FABP12: variants seen among roughly 807,000 people sequenced by gnomAD.
The protein encoded by FABP12 is fatty acid-binding protein 12.
FABP12 carries 19 observed loss-of-function variants against 13.7 expected under a neutral mutation model. The ratio of observed to expected loss-of-function variants is 1.39; its 90% CI spans 0.97 to 2.04. FABP12 has a LOEUF of 2.04. FABP12 is among the 30% of genes most tolerant of loss of function. The probability of loss-of-function intolerance (pLI) is 0.00; values close to 1 mark genes in which losing one functional copy is unlikely to be tolerated. For synonymous variants in FABP12, 61 were observed against 57.0 expected (o/e 1.07, Z -0.32); for missense variants, 182 against 164.2 (o/e 1.11, Z -0.59).
At chr8:81,561,366 CT>C (rs996463766) in intron 1 of FABP12, among the ~76,000 whole-genome samples, 25 of 152,126 alleles carry the variant, frequency 1.6e-4, no homozygotes, top group Admixed American at 1.6e-3. Context: ...ATTTTTTTCT[CT>C]TCTAGTACTG....
chr8:81,581,258 G>T (rs574968607), intron 1 of FABP12, among the ~76,000 whole-genome samples: 6 of 152,252 alleles, frequency 3.9e-5, no homozygotes, highest in African/African-American at 1.4e-4. Context: ...CAATCACAAG[G>T]CTTGAAAAGG....
chr8:81,585,881 G>T (rs1005269425), intron 1 of FABP12, among the ~76,000 whole-genome samples: 1 of 151,996 alleles, frequency 6.6e-6, no homozygotes, highest in Non-Finnish European at 1.5e-5. Context: ...GCACATGCAG[G>T]TTTGTTACGT....
chr8:81,574,807 G>C (rs1344268468), intron 1 of FABP12, among the ~76,000 whole-genome samples: 2 of 151,766 alleles, frequency 1.3e-5, no homozygotes, highest in Non-Finnish European at 2.9e-5. Flanking sequence ...CTACTGTTTT[G>C]TTTCTTAGTG....
intron 1 of FABP12, among the ~76,000 whole-genome samples, chr8:81,568,863 A>G (rs1809874962): frequency 6.6e-6 from 1 of 152,228 alleles, no homozygotes; most frequent in Non-Finnish European, 1.5e-5. Flanking sequence ...AGGCACAGAA[A>G]GACAAATTTT....
intron 1 of FABP12, among the ~76,000 whole-genome samples, chr8:81,547,292 A>C (rs1191567233): frequency 6.6e-6 from 1 of 152,254 alleles, no homozygotes; most frequent in Non-Finnish European, 1.5e-5. Context: ...AGACAAATGA[A>C]TGGACAATTC....
At chr8:81,562,704 A>G (rs1438623752) in intron 1 of FABP12, among the ~76,000 whole-genome samples, 1 of 152,162 alleles carries the variant, frequency 6.6e-6, no homozygotes, top group East Asian at 1.9e-4. Context: ...GGAAAGGGAA[A>G]GAGTGAGAAG....
At chr8:81,538,130 CTT>C (rs544692193), upstream of FABP12, among the ~76,000 whole-genome samples, 29 of 152,120 alleles carry the variant, frequency 1.9e-4, no homozygotes, top group Non-Finnish European at 3.8e-4. Context: ...GTGCCATGCT[CTT>C]TTAAACAACC....
At chr8:81,566,626 G>A (rs538693327) in intron 1 of FABP12, among the ~76,000 whole-genome samples, 154 of 150,874 alleles carry the variant, frequency 1.0e-3, no homozygotes, top group African/African-American at 3.7e-3. Context: ...ATCCCTTCAT[G>A]ACCAAAAAAA....
chr8:81,565,712 C>T (rs1809808889), intron 1 of FABP12, among the ~76,000 whole-genome samples: 1 of 151,962 alleles, frequency 6.6e-6, no homozygotes, highest in Non-Finnish European at 1.5e-5. Context: ...TAAGCACCTA[C>T]ATCAAAACAG....
chr8:81,545,980 T>C (rs986448497), intron 1 of FABP12, among the ~76,000 whole-genome samples: 11 of 152,232 alleles, frequency 7.2e-5, no homozygotes, highest in Non-Finnish European at 1.2e-4. Flanking sequence ...ATTAGTAAGA[T>C]ACCAAGATCT....
chr8:81,540,834 T>C (rs1018217650), intron 1 of FABP12, among the ~76,000 whole-genome samples: 11 of 152,140 alleles, frequency 7.2e-5, no homozygotes, highest in African/African-American at 2.2e-4. Flanking sequence ...TGTACTGTAT[T>C]TGCAACTTCT....
intron 1 of FABP12, among the ~76,000 whole-genome samples, chr8:81,553,433 G>C (rs1273849223): frequency 6.6e-6 from 1 of 152,122 alleles, no homozygotes; most frequent in African/African-American, 2.4e-5. Context: ...CAGTGCTATT[G>C]TACCAATTTA....
intron 1 of FABP12, among the ~76,000 whole-genome samples, chr8:81,574,511 A>G (rs986670535): frequency 1.3e-4 from 20 of 152,080 alleles, no homozygotes; most frequent in African/African-American, 4.6e-4. Flanking sequence ...CTTGTAGAAT[A>G]GTGTCAATAG....
chr8:81,572,677 A>T (rs929197970), intron 1 of FABP12, among the ~76,000 whole-genome samples: 1 of 151,890 alleles, frequency 6.6e-6, no homozygotes, highest in African/African-American at 2.4e-5. Flanking sequence ...TTGTGTTGTG[A>T]TATTGATTTG....
chr8:81,529,505 T>C lies in FABP12; in HGVS notation c.179A>G (p.Asn60Ser), dbSNP rs775300178. 5.6e-6 allele frequency: 9 copies of C among 1,613,912 alleles called. No homozygotes were observed. The highest frequency in any genetic ancestry group is 5.5e-5 in the South Asian group (5 of 91,086). Residue 60 changes from asparagine to serine, a missense_variant, in exon 3 of 5, where the codon AAT becomes AGT. Transcript: ENST00000360464. ...TCCCAGCTTAAAGGAGATCTCATTA[T>C]TTTTAAAGATGCTTTTGGTTTTTAT...
intron 1 of FABP12, among the ~76,000 whole-genome samples, chr8:81,532,557 TC>T (rs1355368680): frequency 2.0e-5 from 3 of 152,236 alleles, no homozygotes; most frequent in African/African-American, 7.2e-5. Flanking sequence ...GTGCAGTGGT[TC>T]TTGCCTGTAA....
intron 1 of FABP12, among the ~76,000 whole-genome samples, chr8:81,563,268 C>G (rs564145241): frequency 6.6e-6 from 1 of 152,230 alleles, no homozygotes; most frequent in Non-Finnish European, 1.5e-5. Context: ...ACACTTAGAT[C>G]ACAGCATGCA....
chr8:81,578,819 T>C (rs2130096590), intron 1 of FABP12, among the ~76,000 whole-genome samples: 1 of 93,900 alleles, frequency 1.1e-5, no homozygotes, highest in Middle Eastern at 4.6e-3. Context: ...ACACATTTGT[T>C]CAAGTTTTTT....
exon 5 of FABP12, chr8:81,525,090 G>T: frequency 6.3e-7 from 1 of 1,593,994 alleles, no homozygotes; most frequent in Non-Finnish European, 8.6e-7. Context: ...TCGTATGTTC[G>T]TGTACAGATA....
Sources: gnomAD v4.1 joint callset for allele counts (sites outside exome capture counted in the v4.1 genomes callset) on GRCh38, gnomAD v4.1.1 for gene constraint, MANE v1.5 for transcripts, NCBI Gene and HGNC (gene_info 2026-07-23, HGNC 2026-07-21) for gene names.